STK32C: variants seen among roughly 807,000 people sequenced by gnomAD.
STK32C encodes the protein serine/threonine kinase 32C.
STK32C carries 31 observed loss-of-function variants against 56.5 expected under a neutral mutation model. The observed-to-expected ratio is 0.55, with a 90% CI of 0.41 to 0.74. STK32C has a LOEUF of 0.74. Among genes scored for constraint, STK32C ranks in the 30% least tolerant of loss-of-function variants. The probability of loss-of-function intolerance (pLI) is 0.00; values close to 1 mark genes in which losing one functional copy is unlikely to be tolerated. For synonymous variants in STK32C, 309 were observed against 289.4 expected, an observed-to-expected ratio of 1.07 and a Z score of -0.69; for missense variants, 544 against 676.9, an observed-to-expected ratio of 0.80 and a Z score of 2.18.
At chr10:132,231,650 ATTAAG>A (rs2063104191) in intron 2 of STK32C, among the ~76,000 whole-genome samples, 3 of 152,218 alleles carry the variant, frequency 2.0e-5, no homozygotes, top group Non-Finnish European at 2.9e-5. Flanking sequence ...TGAAGATGTA[ATTAAG>A]TTGAGGATCT....
intron 2 of STK32C, among the ~76,000 whole-genome samples, chr10:132,241,325 TCAA>T (rs1268964912): frequency 6.6e-6 from 1 of 152,194 alleles, no homozygotes; most frequent in Non-Finnish European, 1.5e-5. Flanking sequence ...AGGCAGTGGC[TCAA>T]CGACAAGGTC....
intron 10 of STK32C, among the ~76,000 whole-genome samples, chr10:132,216,467 C>CAAAA (rs35942990): frequency 2.5e-5 from 3 of 121,414 alleles, no homozygotes; most frequent in Non-Finnish European, 4.9e-5. Context: ...AAGACTGTCT[C>CAAAA]AAAAAAAAAA....
At chr10:132,254,311 G>C (rs1224001132) in intron 1 of STK32C, among the ~76,000 whole-genome samples, 2 of 152,004 alleles carry the variant, frequency 1.3e-5, no homozygotes. Flanking sequence ...CTCCATCAGG[G>C]GAGAAAAAAA....
In STK32C at chr10:132,307,932, G is replaced by A. The variant is rs1346784449; in HGVS notation, c.-99C>T. 3 of 1,069,970 alleles carry A rather than the reference G, an allele frequency of 2.8e-6. No individual in the cohort carries two copies. Among genetic ancestry groups the A allele is most frequent in the Non-Finnish European group, 3.4e-6 (3 of 884,870 alleles). The allele number at this position is 1,069,970 out of a possible 1,614,324, so 66.3% of individuals were successfully genotyped here. A position where few individuals can be genotyped will look rare whatever the true frequency, so the allele number is the denominator to read the frequency against. ...AGCGGGAGCGCTCGGGGCCGGCAGCGCCCGCCGTGCGCTCTTCTGGGCGGT... is the reference window on the plus strand; with the variant it reads ...AGCGGGAGCGCTCGGGGCCGGCAGCACCCGCCGTGCGCTCTTCTGGGCGGT... On this transcript the variant is annotated 5_prime_UTR_variant, in exon 1 of 12. Coordinates refer to ENST00000298630, the MANE Select transcript of STK32C (RefSeq NM_173575.4). The surrounding 1 kb of genome is among the most constrained non-coding windows in gnomAD (Gnocchi z 4.4).
chr10:132,257,376 G>A (rs1017250889), intron 1 of STK32C, among the ~76,000 whole-genome samples: 1 of 72,206 alleles, frequency 1.4e-5, no homozygotes, highest in Non-Finnish European at 3.3e-5. Context: ...GGGCTCCTAG[G>A]AAGAGGTGGC....
chr10:132,263,555 G>T (rs1410735918), intron 1 of STK32C, among the ~76,000 whole-genome samples: 1 of 152,010 alleles, frequency 6.6e-6, no homozygotes, highest in Non-Finnish European at 1.5e-5. Flanking sequence ...ATATACCCAG[G>T]CAACGAACCT....
At chr10:132,326,973 TA>T (rs1417234143) in intron 1 of STK32C, among the ~76,000 whole-genome samples, 4 of 152,298 alleles carry the variant, frequency 2.6e-5, no homozygotes. Context: ...AGGGATTACA[TA>T]AAAAAACTAA....
chr10:132,207,958 G>T lies in STK32C; in HGVS notation c.*52C>A. 1 of 1,274,586 alleles carries T rather than the reference G, an allele frequency of 7.8e-7. No individual in the cohort carries two copies. 79.0% of individuals were successfully genotyped at this position (1,274,586 alleles called of 1,614,324 possible). Reference sequence around the variant, plus strand: ...GCCTCGGCCCATGGCCCTCCCTCTGGCAGCCGAGTCTCCAAAGCAGCTCAA... The same window carrying T: ...GCCTCGGCCCATGGCCCTCCCTCTGTCAGCCGAGTCTCCAAAGCAGCTCAA... On this transcript the variant is annotated 3_prime_UTR_variant, in exon 12 of 12. Transcript: ENST00000298630.
rs550722361 is a variant in STK32C, at chr10:132,253,615, G to C, written c.263-7660C>G. Among the ~76,000 whole-genome samples, 350 of 150,086 alleles carry C rather than the reference G, an allele frequency of 2.3e-3. 2 individuals carry two copies. The highest frequency in any genetic ancestry group is 8.0e-3 in the African/African-American group (330 of 41,214). ...AGCCGAGGGAGCTGGAGGGAGCCGA[G>C]GGAGCTGGAGGGAGCTGAGGGAGCT... On this transcript the variant is annotated intron_variant, in intron 1 of 11. Coordinates refer to ENST00000298630, the MANE Select transcript of STK32C (RefSeq NM_173575.4).
At chr10:132,232,986 GACC>G (rs2063152265) in intron 2 of STK32C, among the ~76,000 whole-genome samples, 1 of 152,196 alleles carries the variant, frequency 6.6e-6, no homozygotes, top group African/African-American at 2.4e-5. Flanking sequence ...GCAAATGCCT[GACC>G]ACAAGTACCT....
chr10:132,238,365 A>G (rs2137843950), intron 2 of STK32C, among the ~76,000 whole-genome samples: 2 of 152,318 alleles, frequency 1.3e-5, no homozygotes, highest in South Asian at 4.1e-4. Context: ...AGTTACCAAC[A>G]GGAGGAGGGG....
chr10:132,310,980 C>T (rs1169771470), upstream of STK32C, among the ~76,000 whole-genome samples: 1 of 152,164 alleles, frequency 6.6e-6, no homozygotes, highest in African/African-American at 2.4e-5. This position sits in a 1 kb window ranked among gnomAD's most constrained non-coding sequence, Gnocchi z 4.6. Context: ...TGCTGCAGGA[C>T]AGCAAGTGAG....
chr10:132,268,143 TTG>T lies in STK32C; in HGVS notation c.263-22190_263-22189del, dbSNP rs374198887. On this transcript the variant is annotated intron_variant, in intron 1 of 11. Coordinates refer to ENST00000298630, the MANE Select transcript of STK32C (RefSeq NM_173575.4). ...GCTGTGCCTGCGTGCATGCGTCACA[TTG>T]TGTGTGTGTGTGTCGGTGTGTGTGC... Among the ~76,000 whole-genome samples, 754 of 123,078 alleles carry T rather than the reference TTG, an allele frequency of 6.1e-3. 10 individuals are homozygous for T. The highest frequency in any genetic ancestry group is 0.021 in the African/African-American group (668 of 31,964). 80.7% of individuals were successfully genotyped at this position (123,078 alleles called of 152,430 possible).
intron 2 of STK32C, among the ~76,000 whole-genome samples, chr10:132,228,389 A>T (rs1413536886): frequency 6.6e-6 from 1 of 152,082 alleles, no homozygotes; most frequent in Non-Finnish European, 1.5e-5. Flanking sequence ...TGTACTGGTT[A>T]GTGTGTGGCC....
At chr10:132,290,227 G>A (rs2065523805) in intron 1 of STK32C, among the ~76,000 whole-genome samples, 1 of 152,154 alleles carries the variant, frequency 6.6e-6, no homozygotes, top group African/African-American at 2.4e-5. Flanking sequence ...ACTCCCTAAG[G>A]GAGACACAGC....
At chr10:132,325,823 G>A (rs1408542488) in intron 1 of STK32C, among the ~76,000 whole-genome samples, 2 of 150,978 alleles carry the variant, frequency 1.3e-5, no homozygotes, top group African/African-American at 4.9e-5. Flanking sequence ...CCGGGTTCAT[G>A]CCATTCTCCT....
In STK32C at chr10:132,318,293, A is replaced by AG. The variant is rs1564802059; in HGVS notation, c.301+13142_301+13143insC. ...AAAAAAAAAGAGAGAGAGAGAGAGA[A>AG]AGAAAACAATCTAATAAAAACGTAG... On this transcript the variant is annotated intron_variant, in intron 1 of 3. Coordinates refer to the STK32C transcript ENST00000368620. Among the ~76,000 whole-genome samples, 19 of 150,742 alleles carry AG rather than the reference A, an allele frequency of 1.3e-4. 1 individual carries two copies. The highest frequency in any genetic ancestry group is 2.6e-4 in the Admixed American group (4 of 15,106).
intron 1 of STK32C, among the ~76,000 whole-genome samples, chr10:132,261,748 G>A (rs868561543): frequency 1.2e-4 from 18 of 152,236 alleles, no homozygotes; most frequent in South Asian, 4.2e-4. Flanking sequence ...CTGGGCAACG[G>A]AGAGACAGTC....
intron 2 of STK32C, among the ~76,000 whole-genome samples, chr10:132,239,944 AG>A (rs1230721442): frequency 6.6e-6 from 1 of 152,328 alleles, no homozygotes; most frequent in East Asian, 1.9e-4. Flanking sequence ...CAGCACACCC[AG>A]CTTCCAATCG....
Sources: allele counts gnomAD v4.1 joint callset (sites outside exome capture counted in the v4.1 genomes callset), GRCh38; gene constraint gnomAD v4.1.1; non-coding constraint Gnocchi (gnomAD v3.1); transcripts MANE v1.5; gene names NCBI Gene and HGNC (gene_info 2026-07-23, HGNC 2026-07-21).